Variants in HTR1E observed in about 807,000 individuals in gnomAD.
The protein encoded by HTR1E is 5-HT-1E.
In HTR1E, 3 loss-of-function variants were observed where a neutral mutation model predicts 3.4. The observed-to-expected ratio is 0.89, with a 90% CI of 0.41 to 2.31. The LOEUF (loss-of-function observed/expected upper bound fraction) is 2.31, where lower values mean the gene tolerates loss of function less well. Ranked by LOEUF, HTR1E falls within the 30% of genes most tolerant of loss-of-function variation. The pLI, the probability that HTR1E is intolerant of heterozygous loss-of-function variation, is 0.05. For missense variants in HTR1E, 392 were observed against 467.0 expected (o/e 0.84, Z 1.48); for synonymous variants, 170 against 182.8 (o/e 0.93, Z 0.56).
Position 86,943,709 on chromosome 6 carries a change from A to G in HTR1E, c.-186+5886A>G, listed in dbSNP as rs187103087. ...TCTGCCATTCATTAACTGCTTTCAC[A>G]TCTCTAAACCTCAGTTTCCTCATTT... On this transcript the variant is annotated intron_variant, in intron 1 of 1. Coordinates refer to ENST00000305344, the MANE Select transcript of HTR1E (RefSeq NM_000865.3). Among the ~76,000 whole-genome samples, 48 of 152,332 alleles carry G rather than the reference A, an allele frequency of 3.2e-4. No homozygotes were observed. The East Asian group carries it at 7.7e-3, about 25-fold the overall frequency.
intron 1 of HTR1E, among the ~76,000 whole-genome samples, chr6:87,013,804 CA>C (rs1768274572): frequency 6.6e-6 from 1 of 151,726 alleles, no homozygotes; most frequent in Non-Finnish European, 1.5e-5. Flanking sequence ...AGGAAAAAAA[CA>C]AACAACCCCA....
At chr6:86,983,442 G>A (rs1767740409) in intron 1 of HTR1E, among the ~76,000 whole-genome samples, 1 of 152,188 alleles carries the variant, frequency 6.6e-6, no homozygotes, top group Non-Finnish European at 1.5e-5. Context: ...TGAGGAAAAT[G>A]TGAAGCTCTT....
At chr6:86,975,616 C>G (rs1295933804) in intron 1 of HTR1E, among the ~76,000 whole-genome samples, 1 of 151,742 alleles carries the variant, frequency 6.6e-6, no homozygotes, top group Non-Finnish European at 1.5e-5. Flanking sequence ...CCTCACTCTA[C>G]CAGGATGCCC....
At chr6:86,953,797 A>T (rs1398605184) in intron 1 of HTR1E, among the ~76,000 whole-genome samples, 1 of 152,212 alleles carries the variant, frequency 6.6e-6, no homozygotes, top group Non-Finnish European at 1.5e-5. Context: ...ACAGTTCCAT[A>T]GTCTGTACAG....
intron 1 of HTR1E, among the ~76,000 whole-genome samples, chr6:87,005,146 T>C (rs1374544199): frequency 6.6e-6 from 1 of 152,166 alleles, no homozygotes; most frequent in Admixed American, 6.5e-5. Flanking sequence ...TAAATATTGT[T>C]AAAATATCCA....
intron 1 of HTR1E, among the ~76,000 whole-genome samples, chr6:86,955,868 A>G (rs1305537507): frequency 6.6e-6 from 1 of 152,034 alleles, no homozygotes. Flanking sequence ...AATATTGTAA[A>G]CCAAAAATAA....
chr6:86,997,225 TAA>T (rs1562070590), intron 1 of HTR1E, among the ~76,000 whole-genome samples: 1 of 151,898 alleles, frequency 6.6e-6, no homozygotes, highest in African/African-American at 2.4e-5. Context: ...ACATGAAACC[TAA>T]AGTTAACATG....
At chr6:87,013,541 G>A (rs984933052) in intron 1 of HTR1E, among the ~76,000 whole-genome samples, 4 of 152,126 alleles carry the variant, frequency 2.6e-5, no homozygotes, top group Middle Eastern at 3.4e-3. Flanking sequence ...GAGCCACCAC[G>A]CCAGCATATT....
Position 87,015,272 on chromosome 6 carries a change from A to C in HTR1E, c.-63A>C, listed in dbSNP as rs1236456281. On this transcript the variant is annotated 5_prime_UTR_variant, in exon 2 of 2. Coordinates refer to ENST00000305344, the MANE Select transcript of HTR1E (RefSeq NM_000865.3). Reference sequence around the variant, plus strand: ...AAGTGAGAAACCTTCGAGGCTACATAGTTTTCAGCCAAAGGAAAATAACCA... The same window carrying C: ...AAGTGAGAAACCTTCGAGGCTACATCGTTTTCAGCCAAAGGAAAATAACCA... The C allele has an allele frequency of 7.1e-7, 1 of 1,415,768 alleles. No individual in the cohort carries two copies. 87.7% of individuals were successfully genotyped at this position (1,415,768 alleles called of 1,614,324 possible). A position where few individuals can be genotyped will look rare whatever the true frequency, so the allele number is the denominator to read the frequency against.
At chr6:87,001,771 G>A (rs1768027135) in intron 1 of HTR1E, among the ~76,000 whole-genome samples, 1 of 152,072 alleles carries the variant, frequency 6.6e-6, no homozygotes, top group Non-Finnish European at 1.5e-5. Flanking sequence ...CCTGAGGAAG[G>A]AACTCAGACA....
chr6:86,944,447 GA>G lies in HTR1E; in HGVS notation c.-186+6625del, dbSNP rs1398523147. Among the ~76,000 whole-genome samples, 23 of 152,294 alleles carry G rather than the reference GA, an allele frequency of 1.5e-4. No homozygotes were observed. In the South Asian group the frequency reaches 4.8e-3, roughly 32 times the overall value. On this transcript the variant is annotated intron_variant, in intron 1 of 1. Transcript: ENST00000305344. ...TAGTAATGTTCTCAGACTGAAATTA[GA>G]TAATCTGTCAAAGAATTTGTAAAAT...
intron 1 of HTR1E, among the ~76,000 whole-genome samples, chr6:86,955,226 T>C (rs1767303820): frequency 6.6e-6 from 1 of 152,224 alleles, no homozygotes; most frequent in African/African-American, 2.4e-5. Context: ...TCATGTGAAC[T>C]CAGGCAGGTC....
At chr6:86,951,629 G>A (rs554458500) in intron 1 of HTR1E, among the ~76,000 whole-genome samples, 2 of 152,186 alleles carry the variant, frequency 1.3e-5, no homozygotes, top group African/African-American at 4.8e-5. Flanking sequence ...TGATGATAAT[G>A]TTTCCCTTAC....
chr6:86,988,495 T>C (rs978211868), intron 1 of HTR1E, among the ~76,000 whole-genome samples: 21 of 152,260 alleles, frequency 1.4e-4, no homozygotes, highest in African/African-American at 5.1e-4. Flanking sequence ...CACAGAATGA[T>C]GGATGCAGAG....
chr6:86,945,444 T>C (rs1017892675), intron 1 of HTR1E, among the ~76,000 whole-genome samples: 2 of 151,966 alleles, frequency 1.3e-5, no homozygotes, highest in African/African-American at 4.8e-5. Context: ...GATTTCACCA[T>C]ATTGGCCATG....
intron 1 of HTR1E, among the ~76,000 whole-genome samples, chr6:86,980,911 T>C (rs1230688885): frequency 6.6e-6 from 1 of 152,212 alleles, no homozygotes; most frequent in Non-Finnish European, 1.5e-5. Flanking sequence ...TATAATGTAC[T>C]GAACTGATCA....
At chr6:86,950,833 T>C (rs1767228435) in intron 1 of HTR1E, among the ~76,000 whole-genome samples, 1 of 152,188 alleles carries the variant, frequency 6.6e-6, no homozygotes, top group South Asian at 2.1e-4. Flanking sequence ...ACAATGCCCA[T>C]ACACATTGGG....
intron 1 of HTR1E, among the ~76,000 whole-genome samples, chr6:86,954,351 A>C (rs1172908327): frequency 6.6e-6 from 1 of 152,028 alleles, no homozygotes; most frequent in African/African-American, 2.4e-5. Flanking sequence ...ACTTTATTCA[A>C]GGTATGTATA....
At chr6:86,996,621 G>T (rs1767942825) in intron 1 of HTR1E, among the ~76,000 whole-genome samples, 1 of 151,822 alleles carries the variant, frequency 6.6e-6, no homozygotes. Flanking sequence ...GAATACTAAG[G>T]ACAATTCTGT....
Sources: gnomAD v4.1 joint callset for allele counts (sites outside exome capture counted in the v4.1 genomes callset) on GRCh38, gnomAD v4.1.1 for gene constraint, MANE v1.5 for transcripts, NCBI Gene and HGNC (gene_info 2026-07-23, HGNC 2026-07-21) for gene names.